Variants in CCSER1 observed in about 807,000 individuals in gnomAD.
The protein encoded by CCSER1 is coiled-coil serine rich protein 1.
Under a neutral mutation model 82.0 loss-of-function variants are expected in CCSER1, and 41 were observed. The observed-to-expected ratio is 0.50, with a 90% confidence interval of 0.39 to 0.65. CCSER1 has a LOEUF of 0.65. CCSER1 is among the 30% of genes least tolerant of loss of function. The pLI is 0.00. For missense variants in CCSER1, 1,119 were observed against 1,064.2 expected (o/e 1.05, Z -0.72); for synonymous variants, 414 against 383.9 (o/e 1.08, Z -0.92).
intron 10 of CCSER1, among the ~76,000 whole-genome samples, chr4:91,125,746 A>G (rs1727454985): frequency 6.6e-6 from 1 of 151,678 alleles, no homozygotes; most frequent in African/African-American, 2.4e-5. Context: ...TTCAACTTTA[A>G]CACCGAAAAA....
intron 6 of CCSER1, among the ~76,000 whole-genome samples, chr4:90,686,339 A>T (rs573222400): frequency 6.6e-6 from 1 of 152,174 alleles, no homozygotes; most frequent in South Asian, 2.1e-4. Flanking sequence ...CATTTTTAAA[A>T]CAAGATTGTC....
At chr4:90,799,292 G>T (rs913977209) in intron 7 of CCSER1, among the ~76,000 whole-genome samples, 11 of 152,282 alleles carry the variant, frequency 7.2e-5, no homozygotes, top group Non-Finnish European at 1.5e-4. Flanking sequence ...GGAGAGGTTG[G>T]CTGGTTCTGT....
intron 6 of CCSER1, among the ~76,000 whole-genome samples, chr4:90,673,791 A>T (rs1008351756): frequency 6.6e-6 from 1 of 151,992 alleles, no homozygotes; most frequent in African/African-American, 2.4e-5. Context: ...ACAACCCATT[A>T]TACATACGTT....
chr4:90,499,388 C>A (rs923425442), intron 5 of CCSER1, among the ~76,000 whole-genome samples: 8 of 152,024 alleles, frequency 5.3e-5, no homozygotes, highest in African/African-American at 1.9e-4. Flanking sequence ...GCTGAAGTGT[C>A]TCCCATTTTC....
chr4:91,016,926 A>C (rs62309839), intron 9 of CCSER1, among the ~76,000 whole-genome samples: 41,645 of 151,966 alleles, frequency 0.27, 6,890 homozygotes, highest in East Asian at 0.39. Context: ...GGAGAGTTTG[A>C]ATATAGGAGA....
At chr4:90,622,559 G>A (rs924132492) in intron 5 of CCSER1, among the ~76,000 whole-genome samples, 2 of 152,038 alleles carry the variant, frequency 1.3e-5, no homozygotes, top group Non-Finnish European at 2.9e-5. Flanking sequence ...GAAAATGATG[G>A]TTTCCAGCTT....
Position 91,582,876 on chromosome 4 carries a change from T to A in CCSER1, c.2218-15696T>A, listed in dbSNP as rs567946789. Among the ~76,000 whole-genome samples, 5 of 151,542 alleles carry A rather than the reference T, an allele frequency of 3.3e-5. No homozygotes were observed. The South Asian group carries it at 1.0e-3, about 31-fold the overall frequency. The stretch of plus-strand genomic sequence containing the variant: ...CCCAACTGCAAAACTATTGAGTCAC[T>A]TCTATGGTCCCATAAATATTTATTT... On this transcript the variant is annotated intron_variant, in intron 10 of 10. Transcript: ENST00000509176.
intron 5 of CCSER1, among the ~76,000 whole-genome samples, chr4:90,502,151 T>TA (rs1233892092): frequency 2.0e-5 from 3 of 152,134 alleles, no homozygotes; most frequent in African/African-American, 7.2e-5. Context: ...TGAGACTGGG[T>TA]AATTTATAAA....
intron 8 of CCSER1, among the ~76,000 whole-genome samples, chr4:90,916,727 AC>A (rs1488448952): frequency 1.3e-5 from 2 of 152,314 alleles, no homozygotes; most frequent in East Asian, 3.9e-4. Context: ...TGAACAGGCA[AC>A]CTACAAAATG....
intron 3 of CCSER1, among the ~76,000 whole-genome samples, chr4:90,398,410 T>C (rs1454605295): frequency 2.6e-5 from 4 of 152,230 alleles, no homozygotes; most frequent in Admixed American, 1.3e-4. Flanking sequence ...TAAATTAGTA[T>C]CCTTTCACTA....
chr4:90,308,235 C>G lies in CCSER1; in HGVS notation c.-41-9C>G. 6.9e-7 allele frequency: 1 copy of G among 1,455,324 alleles called. No individual in the cohort carries two copies. The highest frequency in any genetic ancestry group is 9.1e-7 in the Non-Finnish European group (1 of 1,103,548). 90.2% of individuals were successfully genotyped at this position (1,455,324 alleles called of 1,614,324 possible). ...ATTGACTTGTTGTTTTTGTTTTAAC[C>G]TTTCTCAGGCTGCAAAGTTGGCTTT... On this transcript the variant is annotated splice_polypyrimidine_tract_variant and intron_variant, in intron 1 of 10. Coordinates refer to ENST00000509176, the MANE Select transcript of CCSER1 (RefSeq NM_001145065.2).
At chr4:90,325,851 C>A in intron 3 of CCSER1, 1 of 226,316 alleles carries the variant, frequency 4.4e-6, no homozygotes, top group East Asian at 9.3e-5. Flanking sequence ...AAATATAGTA[C>A]TACTGAAGAA....
intron 10 of CCSER1, among the ~76,000 whole-genome samples, chr4:91,092,342 T>C (rs1468245674): frequency 6.6e-6 from 1 of 152,148 alleles, no homozygotes; most frequent in Non-Finnish European, 1.5e-5. Context: ...CTTCATGAGC[T>C]TTTTCAGTTC....
chr4:90,986,422 A>G (rs1736583740), intron 9 of CCSER1, among the ~76,000 whole-genome samples: 1 of 151,854 alleles, frequency 6.6e-6, no homozygotes, highest in Non-Finnish European at 1.5e-5. Flanking sequence ...TTATAAATGA[A>G]TTTAAAACAC....
At chr4:91,404,872 T>G (rs185269596) in intron 10 of CCSER1, among the ~76,000 whole-genome samples, 1 of 152,316 alleles carries the variant, frequency 6.6e-6, no homozygotes, top group East Asian at 1.9e-4. Flanking sequence ...GTATATTCTG[T>G]TGATTTGGAG....
At chr4:90,962,079 A>G (rs1019787834) in intron 9 of CCSER1, among the ~76,000 whole-genome samples, 2 of 152,076 alleles carry the variant, frequency 1.3e-5, no homozygotes, top group African/African-American at 2.4e-5. Flanking sequence ...GAAAATATTT[A>G]TCCCCATTTG....
intron 1 of CCSER1, among the ~76,000 whole-genome samples, chr4:90,189,295 G>A (rs1397910761): frequency 6.6e-6 from 1 of 151,800 alleles, no homozygotes; most frequent in Non-Finnish European, 1.5e-5. Flanking sequence ...AATACAATGT[G>A]GTCTGTAATG....
chr4:90,577,386 A>C (rs1485300036), intron 5 of CCSER1, among the ~76,000 whole-genome samples: 1 of 152,070 alleles, frequency 6.6e-6, no homozygotes, highest in Non-Finnish European at 1.5e-5. Context: ...GTCCACACTG[A>C]TTACCTAAGA....
chr4:90,573,156 A>G lies in CCSER1; in HGVS notation c.1725-54869A>G, dbSNP rs1361035702. On this transcript the variant is annotated intron_variant, in intron 5 of 10. Transcript: ENST00000509176. ...CAGATGCTCAGGGAAGCTGTGGCCA[A>G]TATGGCACATGCAGGTGACTGGGGC... is the stretch of plus-strand genomic sequence containing the variant. Among the ~76,000 whole-genome samples, 5 of 152,334 alleles carry G rather than the reference A, an allele frequency of 3.3e-5. No individual in the cohort carries two copies. The East Asian group carries it at 9.7e-4, about 29-fold the overall frequency.
Sources: gnomAD v4.1 joint callset for allele counts (sites outside exome capture counted in the v4.1 genomes callset) on GRCh38, gnomAD v4.1.1 for gene constraint, MANE v1.5 for transcripts, NCBI Gene and HGNC (gene_info 2026-07-23, HGNC 2026-07-21) for gene names.